Variants in PISD observed in about 807,000 individuals in gnomAD.
The protein encoded by PISD is phosphatidylserine decarboxylase.
In PISD, 31 loss-of-function variants were observed where a neutral mutation model predicts 43.5. The observed-to-expected ratio is 0.71, with a 90% confidence interval of 0.54 to 0.96. The LOEUF is 0.96. Among genes scored for constraint, PISD ranks in the 40% least tolerant of loss-of-function variants. PISD has a pLI of 0.00. For synonymous variants in PISD, 259 were observed against 228.7 expected (o/e 1.13, Z -1.20); for missense variants, 523 against 548.4 (o/e 0.95, Z 0.46).
At chr22:31,625,867 T>TTCCTCTTTCC (rs1457366061) in intron 3 of PISD, 3 of 1,559,016 alleles carry the variant, frequency 1.9e-6, no homozygotes, top group African/African-American at 2.7e-5. Context: ...TCCCTTTGTT[T>TTCCTCTTTCC]TCCTCTTTCC....
At chr22:31,621,268 T>TC in intron 5 of PISD, 66 bp downstream of exon 5, 1 of 1,610,110 alleles carries the variant, frequency 6.2e-7, no homozygotes, top group Admixed American at 1.7e-5. Flanking sequence ...TCCCCAGCAT[T>TC]CCCCTCCCTC....
chr22:31,621,129 G>A lies in PISD; in HGVS notation c.711C>T (p.Asp237=), dbSNP rs749241240. 1 of 1,614,202 alleles carries A rather than the reference G, an allele frequency of 6.2e-7. No individual in the cohort carries two copies. Among genetic ancestry groups the A allele is most frequent in the Non-Finnish European group, 8.5e-7 (1 of 1,180,048 alleles). Residue 237 remains aspartate (D), a synonymous_variant, in exon 6 of 8, where the codon GAC becomes GAT. Transcript: ENST00000439502. The stretch of plus-strand genomic sequence containing the variant: ...GGGTGACCAGCTGGTTCTTGAAGGA[G>A]TCACACGACGCGGCTGTGGAGTAGG... ...DLPFPPAASC[D]SFKNQLVTRE... is the part of the protein sequence containing the mutation.
chr22:31,636,684 C>T (rs1026807332), intron 3 of PISD, among the ~76,000 whole-genome samples: 6 of 152,138 alleles, frequency 3.9e-5, no homozygotes, highest in East Asian at 1.9e-4. Flanking sequence ...GGACTACAGG[C>T]GCCCGCCACC....
chr22:31,625,912 GTCACT>G, intron 3 of PISD: 1 of 1,536,444 alleles, frequency 6.5e-7, no homozygotes, highest in Non-Finnish European at 8.8e-7. Context: ...CTCCTGTGCT[GTCACT>G]GCTCCAGGGC....
At chr22:31,628,300 C>T (rs2073016895) in intron 3 of PISD, 1 of 543,322 alleles carries the variant, frequency 1.8e-6, no homozygotes, top group Non-Finnish European at 2.3e-6. Context: ...TGTTTCTGGC[C>T]TCCCTATTTC....
In PISD at chr22:31,630,848, TC is replaced by T; in HGVS notation, c.322-8964del. 1.0e-6 allele frequency: 1 copy of T among 985,358 alleles called. No individual in the cohort carries two copies. Among genetic ancestry groups the T allele is most frequent in the Non-Finnish European group, 1.2e-6 (1 of 829,920 alleles). The allele number at this position is 985,358 out of a possible 1,614,324, so 61.0% of individuals were successfully genotyped here. A position where few individuals can be genotyped will look rare whatever the true frequency, so the allele number is the denominator to read the frequency against. The stretch of plus-strand genomic sequence containing the variant: ...CCGGGCTCCGACTCCCTAGGGGCGC[TC>T]CCGGAGCCGGGAAGCCTTGGGGCGA... On this transcript the variant is annotated intron_variant, in intron 3 of 7. Transcript: ENST00000439502. The surrounding 1 kb of genome is among the most constrained non-coding windows in gnomAD (Gnocchi z 4.4).
chr22:31,641,775 G>A (rs902391203), intron 3 of PISD, among the ~76,000 whole-genome samples: 3 of 151,052 alleles, frequency 2.0e-5, no homozygotes, highest in Non-Finnish European at 4.4e-5. Context: ...AGCTGAGATC[G>A]CGCCACTGCA....
At chr22:31,625,618 C>A (rs1198394275) in intron 3 of PISD, 2 of 1,042,806 alleles carry the variant, frequency 1.9e-6, no homozygotes, top group African/African-American at 3.2e-5. Flanking sequence ...CTCAGGCCCC[C>A]CAGGCCAGGC....
At chr22:31,647,544 C>T (rs772619123) in intron 3 of PISD, among the ~76,000 whole-genome samples, 21 of 152,202 alleles carry the variant, frequency 1.4e-4, no homozygotes, top group Non-Finnish European at 2.4e-4. Flanking sequence ...CCTTTATATT[C>T]AGTTTCACAA....
chr22:31,637,967 C>T (rs112236469), intron 3 of PISD, among the ~76,000 whole-genome samples: 6 of 152,234 alleles, frequency 3.9e-5, no homozygotes, highest in African/African-American at 1.4e-4. Context: ...AAATAAGGCT[C>T]GGCCCCAGAC....
intron 3 of PISD, among the ~76,000 whole-genome samples, chr22:31,641,907 T>C (rs2073741993): frequency 6.6e-6 from 1 of 151,122 alleles, no homozygotes; most frequent in Non-Finnish European, 1.5e-5. Flanking sequence ...TGCAGGAACA[T>C]GAAACCTTGG....
intron 3 of PISD, among the ~76,000 whole-genome samples, chr22:31,636,763 C>T (rs1601387747): frequency 6.6e-6 from 1 of 151,292 alleles, no homozygotes; most frequent in Admixed American, 6.6e-5. Context: ...AGGATGGTCT[C>T]GATCTCCTGA....
At position 31,621,101 on chromosome 22, in the gene PISD, C is replaced by T; in HGVS notation, c.739G>A (p.Glu247Lys). Residue 247 changes from glutamate (E) to lysine (K), a missense_variant, in exon 6 of 8, where the codon GAA becomes AAA. By Grantham distance (56) the Glu-to-Lys change is moderately conservative. Coordinates refer to ENST00000439502, the MANE Select transcript of PISD (RefSeq NM_001326411.2). ...ACACAGTGATAGAGCTCATTCCCTT[C>T]CCGGGTGACCAGCTGGTTCTTGAAG... ...DSFKNQLVTREGNELYHCVIY... is the reference protein window; with the variant it reads ...DSFKNQLVTRKGNELYHCVIY... The T allele has an allele frequency of 6.2e-7, 1 of 1,614,164 alleles. No homozygotes were observed. Among genetic ancestry groups the T allele is most frequent in the South Asian group, 1.1e-5 (1 of 91,086 alleles).
intron 3 of PISD, chr22:31,628,173 C>G (rs917876754): frequency 1.0e-6 from 1 of 985,494 alleles, no homozygotes; most frequent in African/African-American, 1.7e-5. Context: ...CAGCTTTGCC[C>G]CAGGACACAG....
chr22:31,642,399 G>A (rs1360671231), intron 3 of PISD, among the ~76,000 whole-genome samples: 2 of 151,244 alleles, frequency 1.3e-5, no homozygotes, highest in African/African-American at 4.9e-5. Flanking sequence ...AGGCTACAGT[G>A]AGCTGTGACT....
chr22:31,637,167 ATATATATATATATATATATATAT>A (rs2073520209), intron 3 of PISD, among the ~76,000 whole-genome samples: 2 of 19,222 alleles, frequency 1.0e-4, no homozygotes, highest in Non-Finnish European at 1.7e-4. Context: ...AAAAAAAAAT[ATATATATATATATATATATATAT>A]ATATATATAT....
At chr22:31,660,288 C>G (rs948860600) in intron 1 of PISD, among the ~76,000 whole-genome samples, 1 of 152,186 alleles carries the variant, frequency 6.6e-6, no homozygotes, top group Non-Finnish European at 1.5e-5. Flanking sequence ...TACACTGGTA[C>G]TAAAACATAG....
intron 3 of PISD, 104 bp from the exon 4 acceptor site, chr22:31,621,989 C>A (rs1344981436): frequency 7.9e-6 from 7 of 883,848 alleles, no homozygotes; most frequent in Middle Eastern, 2.2e-4. Context: ...AGAATCTGCA[C>A]CCCACGGAGG....
chr22:31,658,613 A>T (rs2074240892), intron 1 of PISD, among the ~76,000 whole-genome samples: 1 of 151,104 alleles, frequency 6.6e-6, no homozygotes, highest in South Asian at 2.1e-4. Context: ...GCAGTGGTGA[A>T]ATCACAGCTC....
Sources: gnomAD v4.1 joint callset for allele counts (sites outside exome capture counted in the v4.1 genomes callset) on GRCh38, gnomAD v4.1.1 for gene constraint, Gnocchi (gnomAD v3.1) non-coding constraint, MANE v1.5 for transcripts, NCBI Gene and HGNC (gene_info 2026-07-23, HGNC 2026-07-21) for gene names.